The following TMEM120B variants were observed in gnomAD, a reference collection of about 807,000 sequenced individuals.
The protein encoded by TMEM120B is transmembrane protein 120B.
A neutral mutation model predicts 55.5 loss-of-function variants in TMEM120B; 31 were observed. The ratio of observed to expected loss-of-function variants is 0.56; its 90% CI spans 0.42 to 0.75. TMEM120B has a LOEUF of 0.75. TMEM120B is among the 30% of genes least tolerant of loss of function. The pLI is 0.00. For missense variants in TMEM120B, 399 were observed against 425.5 expected, an observed-to-expected ratio of 0.94 and a Z score of 0.55; for synonymous variants, 203 against 176.3, an observed-to-expected ratio of 1.15 and a Z score of -1.20.
At chr12:121,755,843 G>A (rs1256193961) in intron 5 of TMEM120B, among the ~76,000 whole-genome samples, 3 of 152,108 alleles carry the variant, frequency 2.0e-5, no homozygotes, top group Admixed American at 2.0e-4. Flanking sequence ...TATCAGTTGG[G>A]GCAGTTGAGG....
intron 6 of TMEM120B, among the ~76,000 whole-genome samples, chr12:121,765,847 C>G (rs1490006614): frequency 6.6e-6 from 1 of 152,122 alleles, no homozygotes; most frequent in African/African-American, 2.4e-5. Context: ...GGAGGCCTCC[C>G]CTCCTGCTTG....
At chr12:121,749,920 A>C (rs1457452557) in intron 3 of TMEM120B, among the ~76,000 whole-genome samples, 5 of 150,428 alleles carry the variant, frequency 3.3e-5, no homozygotes, top group Non-Finnish European at 7.4e-5. Context: ...AAAAAAAAAA[A>C]CAAAAAACAC....
intron 6 of TMEM120B, among the ~76,000 whole-genome samples, chr12:121,765,121 TTTTC>T (rs201286179): frequency 2.7e-5 from 4 of 148,300 alleles, no homozygotes; most frequent in African/African-American, 1.0e-4. Context: ...CTTTTCTTTC[TTTTC>T]TTTCTTTTTT....
At chr12:121,746,126 G>T (rs990745398) in intron 2 of TMEM120B, among the ~76,000 whole-genome samples, 3 of 151,928 alleles carry the variant, frequency 2.0e-5, no homozygotes, top group Non-Finnish European at 4.4e-5. Context: ...TTCCCAAAGT[G>T]CTGGGATTAC....
chr12:121,768,046 G>A (rs1470621236), intron 6 of TMEM120B, among the ~76,000 whole-genome samples: 1 of 152,154 alleles, frequency 6.6e-6, no homozygotes, highest in Non-Finnish European at 1.5e-5. Context: ...CTGGAAGTTG[G>A]GGGATCTGGC....
intron 1 of TMEM120B, among the ~76,000 whole-genome samples, chr12:121,733,851 T>C (rs1895051175): frequency 6.6e-6 from 1 of 152,284 alleles, no homozygotes; most frequent in East Asian, 1.9e-4. Flanking sequence ...TATATTGTTA[T>C]GTGCGTAGAT....
In TMEM120B at chr12:121,745,021, G is replaced by T. The variant is rs534943069; in HGVS notation, c.188+1274G>T. Among the ~76,000 whole-genome samples, 42 of 152,302 alleles carry T rather than the reference G, an allele frequency of 2.8e-4. No homozygotes were observed. The South Asian group carries it at 8.5e-3, about 31-fold the overall frequency. On this transcript the variant is annotated intron_variant, in intron 2 of 11. Transcript: ENST00000449592. The stretch of plus-strand genomic sequence containing the variant: ...GCACATGGCGAACCCCAGCACTATT[G>T]ATGGGTCTTTGTGGGGGCCGTGCAG...
intron 1 of TMEM120B, among the ~76,000 whole-genome samples, chr12:121,731,627 G>A (rs1268924461): frequency 6.6e-6 from 1 of 152,148 alleles, no homozygotes. Flanking sequence ...ATACCATCCA[G>A]GTTTCTGTAG....
intron 1 of TMEM120B, among the ~76,000 whole-genome samples, chr12:121,738,382 C>T (rs1012154042): frequency 3.3e-5 from 5 of 152,146 alleles, no homozygotes; most frequent in African/African-American, 4.8e-5. Context: ...GAGCATCTGG[C>T]AGCTGATTTT....
At chr12:121,764,158 A>G (rs1873770086) in intron 6 of TMEM120B, among the ~76,000 whole-genome samples, 1 of 135,086 alleles carries the variant, frequency 7.4e-6, no homozygotes, top group South Asian at 2.1e-4. Flanking sequence ...TTTCATCTTT[A>G]CCAAAAAAAA....
chr12:121,764,663 A>C (rs1873790569), intron 6 of TMEM120B, among the ~76,000 whole-genome samples: 1 of 152,166 alleles, frequency 6.6e-6, no homozygotes, highest in Admixed American at 6.5e-5. Flanking sequence ...CAAAAAAAAA[A>C]AAGTGCTCTG....
At chr12:121,751,862 G>C (rs1873340912) in intron 4 of TMEM120B, among the ~76,000 whole-genome samples, 1 of 152,202 alleles carries the variant, frequency 6.6e-6, no homozygotes, top group African/African-American at 2.4e-5. Flanking sequence ...AAGAGGCCCT[G>C]TCTCTGCCCC....
At chr12:121,772,071 TTCTTTCTTTC>T (rs1404792502) in intron 8 of TMEM120B, among the ~76,000 whole-genome samples, 1 of 146,636 alleles carries the variant, frequency 6.8e-6, no homozygotes, top group Non-Finnish European at 1.5e-5. Flanking sequence ...TCCTTTCTTT[TTCTTTCTTTC>T]TCTTTCTCTC....
At chr12:121,716,049 T>TTTGGGAGGACAAG (rs201061991) in intron 1 of TMEM120B, among the ~76,000 whole-genome samples, 1,780 of 149,542 alleles carry the variant, frequency 0.012, 38 homozygotes, top group African/African-American at 0.042. Context: ...ATCTCAGCAC[T>TTTGGGAGGACAAG]TTGGGAGGAC....
At chr12:121,721,710 C>T (rs1416076573) in intron 1 of TMEM120B, among the ~76,000 whole-genome samples, 4 of 151,688 alleles carry the variant, frequency 2.6e-5, no homozygotes, top group African/African-American at 7.3e-5. Context: ...CCTCGTGATC[C>T]GCCCACTCCA....
At chr12:121,761,774 G>A (rs779973527) in intron 6 of TMEM120B, 36 bp downstream of exon 6, 1 of 1,547,274 alleles carries the variant, frequency 6.5e-7, no homozygotes, top group Non-Finnish European at 8.9e-7. Flanking sequence ...GAGCACAAGA[G>A]GAGTTAAAGG....
At chr12:121,731,039 A>G (rs901080751) in intron 1 of TMEM120B, among the ~76,000 whole-genome samples, 2 of 151,998 alleles carry the variant, frequency 1.3e-5, no homozygotes, top group African/African-American at 4.8e-5. Context: ...TAGAGACAGA[A>G]GACAGAATAG....
At chr12:121,768,911 C>A (rs112279125) in intron 6 of TMEM120B, among the ~76,000 whole-genome samples, 2 of 151,968 alleles carry the variant, frequency 1.3e-5, no homozygotes, top group Non-Finnish European at 2.9e-5. Context: ...TTTGGGAGGC[C>A]GAGGCAGGTG....
chr12:121,726,348 T>C (rs1425955635), intron 1 of TMEM120B, among the ~76,000 whole-genome samples: 1 of 150,084 alleles, frequency 6.7e-6, no homozygotes, highest in Non-Finnish European at 1.5e-5. Context: ...GGGAGGCCGA[T>C]GCAGGTGGAT....
Sources: gnomAD v4.1 joint callset for allele counts (sites outside exome capture counted in the v4.1 genomes callset) on GRCh38, gnomAD v4.1.1 for gene constraint, MANE v1.5 for transcripts, NCBI Gene and HGNC (gene_info 2026-07-23, HGNC 2026-07-21) for gene names.